The following MAGI2 variants were observed in gnomAD, a reference collection of about 807,000 sequenced individuals.
MAGI2 encodes the protein membrane associated guanylate kinase, WW and PDZ domain containing 2.
A neutral mutation model predicts 133.3 loss-of-function variants in MAGI2; 35 were observed. That is an observed-to-expected ratio of 0.26 (90% CI 0.20 to 0.35). The LOEUF is 0.35. Among genes scored for constraint, MAGI2 ranks in the 10% least tolerant of loss-of-function variants. MAGI2 has a pLI of 1.00. For synonymous variants in MAGI2, 729 were observed against 710.6 expected (o/e 1.03, Z -0.41); for missense variants, 1,636 against 1,863.4 (o/e 0.88, Z 2.25).
At chr7:79,418,830 TACACACACAC>T (rs57172659) in intron 1 of MAGI2, among the ~76,000 whole-genome samples, 18,287 of 137,808 alleles carry the variant, frequency 0.13, 1,193 homozygotes, top group South Asian at 0.25. Context: ...CCAATACACA[TACACACACAC>T]ACACACACAC....
intron 21 of MAGI2, among the ~76,000 whole-genome samples, chr7:78,024,463 C>T (rs139712394): frequency 1.3e-5 from 2 of 152,316 alleles, no homozygotes; most frequent in Non-Finnish European, 2.9e-5. Context: ...GGACTCTCTC[C>T]CTTATTTCCC....
intron 2 of MAGI2, among the ~76,000 whole-genome samples, chr7:78,635,978 G>A (rs948863536): frequency 6.6e-6 from 1 of 152,134 alleles, no homozygotes; most frequent in African/African-American, 2.4e-5. Flanking sequence ...TATCGTTTGG[G>A]TCACTGAATT....
intron 2 of MAGI2, among the ~76,000 whole-genome samples, chr7:78,746,686 C>A (rs1211297995): frequency 6.6e-6 from 1 of 152,166 alleles, no homozygotes; most frequent in African/African-American, 2.4e-5. Context: ...ATGCCACTAG[C>A]ACCTCAATTT....
intron 2 of MAGI2, among the ~76,000 whole-genome samples, chr7:78,877,238 G>C (rs979465762): frequency 2.0e-4 from 31 of 152,200 alleles, no homozygotes; most frequent in African/African-American, 7.2e-4. Context: ...AAAGTGGTGA[G>C]AGTTTTGTTG....
chr7:79,389,063 T>A (rs1257858882), intron 1 of MAGI2, among the ~76,000 whole-genome samples: 5 of 151,980 alleles, frequency 3.3e-5, no homozygotes, highest in Admixed American at 6.6e-5. Flanking sequence ...TTCTTTTTTT[T>A]AAACAAAAAG....
At chr7:79,299,975 C>G (rs1447157061) in intron 1 of MAGI2, among the ~76,000 whole-genome samples, 1 of 152,114 alleles carries the variant, frequency 6.6e-6, no homozygotes, top group Admixed American at 6.6e-5. Flanking sequence ...TTCCTGAGAC[C>G]CCCCTAGAGG....
intron 21 of MAGI2, among the ~76,000 whole-genome samples, chr7:78,065,885 G>A (rs1813755064): frequency 6.6e-6 from 1 of 152,164 alleles, no homozygotes; most frequent in East Asian, 1.9e-4. Flanking sequence ...TATTTCAAAA[G>A]TAGACTTTTC....
At chr7:78,149,718 C>A (rs991697737) in intron 16 of MAGI2, among the ~76,000 whole-genome samples, 1 of 152,156 alleles carries the variant, frequency 6.6e-6, no homozygotes, top group African/African-American at 2.4e-5. Flanking sequence ...CTGGAAGACC[C>A]TCCTCTCATG....
At chr7:79,009,014 C>T (rs1022041302) in intron 1 of MAGI2, 2 of 152,008 alleles carry the variant, frequency 1.3e-5, no homozygotes, top group African/African-American at 2.4e-5. Context: ...CCCCCTCTTC[C>T]TTCTCCTTTT....
intron 3 of MAGI2, among the ~76,000 whole-genome samples, chr7:78,573,247 A>AAT (rs1218502563): frequency 2.7e-4 from 12 of 44,822 alleles, no homozygotes; most frequent in Non-Finnish European, 4.1e-4. Context: ...TATATATATA[A>AAT]ATATATATAA....
chr7:78,785,163 A>G (rs1010264656), intron 2 of MAGI2, among the ~76,000 whole-genome samples: 2 of 152,228 alleles, frequency 1.3e-5, no homozygotes, highest in Non-Finnish European at 2.9e-5. Context: ...TGAAGCTATC[A>G]TTTAACTTCA....
chr7:78,306,291 A>C (rs1158715682), intron 9 of MAGI2, among the ~76,000 whole-genome samples: 1 of 152,208 alleles, frequency 6.6e-6, no homozygotes, highest in Non-Finnish European at 1.5e-5. Flanking sequence ...TATGTGAGTG[A>C]TGAACTCAAG....
At chr7:78,600,664 T>TA (rs1805102296) in intron 3 of MAGI2, among the ~76,000 whole-genome samples, 1 of 152,114 alleles carries the variant, frequency 6.6e-6, no homozygotes, top group Non-Finnish European at 1.5e-5. Context: ...CTGGAGTGAA[T>TA]AATATTTACA....
At chr7:78,332,189 C>T (rs1211737803) in intron 9 of MAGI2, among the ~76,000 whole-genome samples, 2 of 152,102 alleles carry the variant, frequency 1.3e-5, no homozygotes, top group African/African-American at 4.8e-5. Flanking sequence ...GAGGACTGTG[C>T]AAGGCAAAAA....
At chr7:78,056,664 G>T (rs909101971) in intron 21 of MAGI2, among the ~76,000 whole-genome samples, 1 of 152,034 alleles carries the variant, frequency 6.6e-6, no homozygotes, top group Non-Finnish European at 1.5e-5. Context: ...ACTGGGGCCT[G>T]TCAGGGCTTG....
At chr7:78,739,468 T>C (rs1822183743) in intron 2 of MAGI2, among the ~76,000 whole-genome samples, 1 of 152,144 alleles carries the variant, frequency 6.6e-6, no homozygotes, top group Admixed American at 6.5e-5. Flanking sequence ...ATGAGAGATT[T>C]TTCTGGAGTT....
chr7:79,340,114 G>C (rs1840779309), intron 1 of MAGI2, among the ~76,000 whole-genome samples: 4 of 151,844 alleles, frequency 2.6e-5, no homozygotes, highest in Non-Finnish European at 4.4e-5. Context: ...TATTTGTTCT[G>C]TTCTATTAGC....
intron 1 of MAGI2, among the ~76,000 whole-genome samples, chr7:79,173,322 T>G (rs1326658955): frequency 6.6e-6 from 1 of 150,514 alleles, no homozygotes; most frequent in Non-Finnish European, 1.5e-5. Flanking sequence ...CTATTATAAT[T>G]GCATTTTTTT....
At position 79,220,781 on chromosome 7, in the gene MAGI2, T is replaced by C. The variant is rs115528351; in HGVS notation, c.302-213575A>G. Among the ~76,000 whole-genome samples the C allele has an allele frequency of 5.3e-3, 811 of 152,182 alleles. 24 individuals are homozygous for C. The highest frequency in any genetic ancestry group is 0.019 in the African/African-American group (769 of 41,452). On this transcript the variant is annotated intron_variant, in intron 1 of 21. Coordinates refer to ENST00000354212, the MANE Select transcript of MAGI2 (RefSeq NM_012301.4). ...CTTAACAAGCACACTGTCATTAAAA[T>C]ACTGAAAAACCTGGTCACAGTGAGG...
Sources: gnomAD v4.1 joint callset for allele counts (sites outside exome capture counted in the v4.1 genomes callset) on GRCh38, gnomAD v4.1.1 for gene constraint, MANE v1.5 for transcripts, NCBI Gene and HGNC (gene_info 2026-07-23, HGNC 2026-07-21) for gene names.